CREB5: variants seen among roughly 807,000 people sequenced by gnomAD.
CREB5 encodes cyclic AMP-responsive element-binding protein 5.
A neutral mutation model predicts 57.1 loss-of-function variants in CREB5; 19 were observed. That is an observed-to-expected ratio of 0.33 (90% CI 0.23 to 0.49). The LOEUF is 0.49. Among genes scored for constraint, CREB5 ranks in the 20% least tolerant of loss-of-function variants. CREB5 has a pLI of 0.99. For synonymous variants in CREB5, 238 were observed against 238.3 expected, an observed-to-expected ratio of 1.00 and a Z score of 0.01; for missense variants, 579 against 671.6, an observed-to-expected ratio of 0.86 and a Z score of 1.52.
intron 1 of CREB5, among the ~76,000 whole-genome samples, chr7:28,344,338 T>A (rs1467660769): frequency 6.6e-6 from 1 of 152,176 alleles, no homozygotes; most frequent in Admixed American, 6.5e-5. Context: ...TGATGAGAAA[T>A]TCGGGTCTAG....
chr7:28,344,437 T>C (rs1365665232), intron 1 of CREB5, among the ~76,000 whole-genome samples: 1 of 152,238 alleles, frequency 6.6e-6, no homozygotes, highest in Non-Finnish European at 1.5e-5. Flanking sequence ...CTTGGTCCCT[T>C]TGTTGAAAAT....
At chr7:28,504,627 G>A (rs760063618) in intron 3 of CREB5, among the ~76,000 whole-genome samples, 1 of 152,156 alleles carries the variant, frequency 6.6e-6, no homozygotes, top group Non-Finnish European at 1.5e-5. Flanking sequence ...TTTGAGAGTT[G>A]AAAGTTTTTT....
At position 28,788,388 on chromosome 7, in the gene CREB5, T is replaced by C. The variant is rs1310010925; in HGVS notation, c.703-15811T>C. ...GCCAGGGTTAACTACATAGATTTGA[T>C]TTGTTACCAACTGAAAACACTAGTT... is the stretch of plus-strand genomic sequence containing the variant. On this transcript the variant is annotated intron_variant, in intron 7 of 10. Transcript: ENST00000357727. Among the ~76,000 whole-genome samples, 3 of 152,210 alleles carry C rather than the reference T, an allele frequency of 2.0e-5. No homozygotes were observed. In the South Asian group the frequency reaches 6.2e-4, roughly 32 times the overall value.
chr7:28,725,341 T>G (rs1028814083), intron 7 of CREB5, among the ~76,000 whole-genome samples: 1 of 152,222 alleles, frequency 6.6e-6, no homozygotes, highest in Admixed American at 6.5e-5. Context: ...TTTGGTCACT[T>G]TCTCTTGGAA....
At chr7:28,773,085 T>C (rs893682215) in intron 7 of CREB5, among the ~76,000 whole-genome samples, 3 of 152,216 alleles carry the variant, frequency 2.0e-5, no homozygotes, top group Non-Finnish European at 4.4e-5. Flanking sequence ...AAATTCCTCC[T>C]TTAAGCGCCC....
At position 28,825,136 on chromosome 7, in the gene CREB5, G is replaced by A. The variant is rs529616736; in HGVS notation, c.*5857G>A. On this transcript the variant is annotated 3_prime_UTR_variant, in exon 11 of 11. Coordinates refer to ENST00000357727, the MANE Select transcript of CREB5 (RefSeq NM_182898.4). Reference sequence around the variant, plus strand: ...TGCACAATAAGCTCATTAGATTCTAGTTTTCTCCTTTAGAATACCAATGCC... The same window carrying A: ...TGCACAATAAGCTCATTAGATTCTAATTTTCTCCTTTAGAATACCAATGCC... The A allele has an allele frequency of 1.6e-4, 25 of 152,592 alleles. No individual in the cohort carries two copies. The highest frequency in any genetic ancestry group is 3.4e-4 in the Non-Finnish European group (23 of 68,034). The allele number at this position is 152,592 out of a possible 1,614,324, so 9.5% of individuals were successfully genotyped here.
upstream of CREB5, chr7:28,410,020 C>T (rs1349820491): frequency 2.2e-6 from 1 of 451,020 alleles, no homozygotes; most frequent in South Asian, 1.6e-5. Context: ...AGAAAGTTTG[C>T]AAACTTCCAG....
chr7:28,445,838 A>G (rs1206264734), intron 1 of CREB5, among the ~76,000 whole-genome samples: 1 of 152,172 alleles, frequency 6.6e-6, no homozygotes, highest in Non-Finnish European at 1.5e-5. Flanking sequence ...GGCGTGAGCC[A>G]CTGCGCCCGG....
At chr7:28,325,173 C>T (rs1265457428) in intron 1 of CREB5, among the ~76,000 whole-genome samples, 1 of 152,158 alleles carries the variant, frequency 6.6e-6, no homozygotes, top group Non-Finnish European at 1.5e-5. Flanking sequence ...AAATGTAAAT[C>T]AGGCCGGGCG....
At chr7:28,604,013 C>T (rs549285848) in intron 5 of CREB5, among the ~76,000 whole-genome samples, 14 of 152,184 alleles carry the variant, frequency 9.2e-5, no homozygotes, top group South Asian at 8.3e-4. Flanking sequence ...CACCATCCTC[C>T]GCATCTGTGT....
intron 3 of CREB5, among the ~76,000 whole-genome samples, chr7:28,505,062 A>T (rs1013612748): frequency 6.6e-6 from 1 of 152,212 alleles, no homozygotes; most frequent in African/African-American, 2.4e-5. Flanking sequence ...CAGTCACATT[A>T]TCAGGCCTGG....
chr7:28,560,267 G>A (rs1795027998), intron 4 of CREB5, among the ~76,000 whole-genome samples: 1 of 152,188 alleles, frequency 6.6e-6, no homozygotes, highest in African/African-American at 2.4e-5. Context: ...GCAAAGGTAT[G>A]AAGGTGAAAA....
intron 5 of CREB5, among the ~76,000 whole-genome samples, chr7:28,621,280 G>C (rs1280199204): frequency 6.6e-6 from 1 of 152,052 alleles, no homozygotes; most frequent in Non-Finnish European, 1.5e-5. Context: ...AGGCATGCAG[G>C]GTCACTGGAA....
intron 9 of CREB5, among the ~76,000 whole-genome samples, chr7:28,815,294 AAG>A (rs1463764376): frequency 4.6e-5 from 7 of 152,192 alleles, no homozygotes; most frequent in Admixed American, 1.3e-4. Context: ...AAAAGAAAAA[AAG>A]AATATGTTCA....
intron 5 of CREB5, among the ~76,000 whole-genome samples, chr7:28,618,668 A>G (rs1364421944): frequency 1.3e-5 from 2 of 152,186 alleles, no homozygotes; most frequent in Non-Finnish European, 2.9e-5. Context: ...CTCAGCAGGC[A>G]TGATCTCTGT....
chr7:28,636,732 C>T (rs1204377391), intron 5 of CREB5, among the ~76,000 whole-genome samples: 1 of 152,158 alleles, frequency 6.6e-6, no homozygotes, highest in African/African-American at 2.4e-5. Context: ...TGGAAAATCT[C>T]ATGTTTGTCT....
intron 5 of CREB5, among the ~76,000 whole-genome samples, chr7:28,609,580 A>G (rs1797307282): frequency 6.6e-6 from 1 of 152,170 alleles, no homozygotes; most frequent in Admixed American, 6.5e-5. Context: ...ACTGTATGAA[A>G]AAATTTTCTT....
chr7:28,804,670 C>T (rs571691000), intron 8 of CREB5, 148 bp downstream of exon 8: 2 of 952,304 alleles, frequency 2.1e-6, no homozygotes, highest in Non-Finnish European at 3.2e-6. Context: ...TCCTAGGAGG[C>T]AAGCCTTACC....
chr7:28,819,362 C>G lies in CREB5; in HGVS notation c.*83C>G, dbSNP rs925337717. The G allele has an allele frequency of 2.5e-5, 36 of 1,417,094 alleles. No individual in the cohort carries two copies. Among genetic ancestry groups the G allele is most frequent in the Non-Finnish European group, 3.2e-5 (34 of 1,046,990 alleles). 87.8% of individuals were successfully genotyped at this position (1,417,094 alleles called of 1,614,324 possible). ...TTTAAGGGCATTTTTAGAATTAACT[C>G]AGACCTGGAAGACTCCTCAGTTCTT... is the stretch of plus-strand genomic sequence containing the variant. On this transcript the variant is annotated 3_prime_UTR_variant, in exon 11 of 11. Coordinates refer to ENST00000357727, the MANE Select transcript of CREB5 (RefSeq NM_182898.4).
Sources: gnomAD v4.1 joint callset for allele counts (sites outside exome capture counted in the v4.1 genomes callset) on GRCh38, gnomAD v4.1.1 for gene constraint, MANE v1.5 for transcripts, NCBI Gene and HGNC (gene_info 2026-07-23, HGNC 2026-07-21) for gene names.